NELL1: variants seen among roughly 807,000 people sequenced by gnomAD.
NELL1 encodes protein kinase C-binding protein NELL1.
Under a neutral mutation model 107.4 loss-of-function variants are expected in NELL1, and 76 were observed. That is an observed-to-expected ratio of 0.71 (90% confidence interval 0.59 to 0.86). NELL1 has a LOEUF of 0.86. Among genes scored for constraint, NELL1 ranks in the 40% least tolerant of loss-of-function variants. The pLI is 0.00. For missense variants in NELL1, 1,024 were observed against 1,005.5 expected, an observed-to-expected ratio of 1.02 and a Z score of -0.25; for synonymous variants, 353 against 341.2, an observed-to-expected ratio of 1.03 and a Z score of -0.38.
chr11:20,693,246 C>T (rs1244708630), intron 2 of NELL1, among the ~76,000 whole-genome samples: 1 of 152,074 alleles, frequency 6.6e-6, no homozygotes, highest in Non-Finnish European at 1.5e-5. Context: ...ATCCAACTTG[C>T]CAGTCTGTGT....
chr11:20,812,879 G>A (rs1857530505), intron 3 of NELL1, among the ~76,000 whole-genome samples: 1 of 150,544 alleles, frequency 6.6e-6, no homozygotes, highest in African/African-American at 2.4e-5. Flanking sequence ...GAGGTGGCGG[G>A]CGCCTGTAGT....
intron 2 of NELL1, among the ~76,000 whole-genome samples, chr11:20,717,624 C>T (rs1470444261): frequency 2.0e-5 from 3 of 152,122 alleles, no homozygotes; most frequent in Non-Finnish European, 4.4e-5. Flanking sequence ...TTTTCTGTAT[C>T]TGGCTCTTAC....
chr11:21,337,796 CCTTCT>C (rs1850455747), intron 14 of NELL1, among the ~76,000 whole-genome samples: 1 of 122,198 alleles, frequency 8.2e-6, no homozygotes, highest in Non-Finnish European at 1.7e-5. Context: ...TTCTTTCTTT[CCTTCT>C]TTCTTTCTTG....
At chr11:20,785,196 A>G (rs1341440023) in intron 3 of NELL1, among the ~76,000 whole-genome samples, 2 of 152,192 alleles carry the variant, frequency 1.3e-5, no homozygotes, top group Non-Finnish European at 2.9e-5. Flanking sequence ...GGCTCTTTCT[A>G]TGCAGACTTT....
chr11:20,928,395 C>T lies in NELL1; in HGVS notation c.913C>T (p.Arg305Ter), dbSNP rs942786957. ...CTCKSGAVEC[R>*]RMSCPPLNCS... is the part of the protein sequence containing the mutation. ...TCCTCAGAGTGGTGCCGTGGAATGC[C>T]GAAGGATGTCCTGTCCCCCTCTCAA... The change falls in exon 9 of 20, where the codon CGA becomes TGA. Residue 305 changes from arginine (R) to a stop codon, truncating the protein, a stop_gained. Coordinates refer to ENST00000357134, the MANE Select transcript of NELL1 (RefSeq NM_006157.5). LOFTEE classifies it high-confidence loss of function. The T allele has an allele frequency of 5.6e-6, 9 of 1,613,908 alleles. No individual in the cohort carries two copies. Among genetic ancestry groups the T allele is most frequent in the Admixed American group, 1.7e-5 (1 of 60,014 alleles).
chr11:20,872,239 T>C (rs1351342466), intron 4 of NELL1, among the ~76,000 whole-genome samples: 1 of 147,058 alleles, frequency 6.8e-6, no homozygotes, highest in African/African-American at 2.5e-5. Context: ...AGTGGCACAA[T>C]CTGGGCTCAC....
In NELL1 at chr11:21,482,822, TCCC is replaced by T. The variant is rs898738106; in HGVS notation, c.1646-51548_1646-51546del. ...TTTTGTTTGTTTGTTTGTTTGTTTT[TCCC>T]CCCAAGGAACATGGTATTTGTAAAT... On this transcript the variant is annotated intron_variant, in intron 15 of 19. Transcript: ENST00000357134. Among the ~76,000 whole-genome samples the T allele has an allele frequency of 7.9e-5, 12 of 151,882 alleles. No individual in the cohort carries two copies. In the East Asian group the frequency reaches 1.6e-3, roughly 20 times the overall value.
rs190656911 is a variant in NELL1 at position 20,701,123 on chromosome 11, C to A, written c.184+23063C>A. On this transcript the variant is annotated intron_variant, in intron 2 of 19. Coordinates refer to ENST00000357134, the MANE Select transcript of NELL1 (RefSeq NM_006157.5). Reference sequence around the variant, plus strand: ...TGGTTGGACTAGTTTACAGCCCCACCAACAGTGTAAAAGTGTTCCTATTTC... The same window carrying A: ...TGGTTGGACTAGTTTACAGCCCCACAAACAGTGTAAAAGTGTTCCTATTTC... Among the ~76,000 whole-genome samples the A allele has an allele frequency of 8.3e-3, 1,263 of 152,270 alleles. 12 individuals carry two copies. Among genetic ancestry groups the A allele is most frequent in the African/African-American group, 0.029 (1,201 of 41,528 alleles).
chr11:20,952,159 A>C (rs1195908476), intron 11 of NELL1, among the ~76,000 whole-genome samples: 1 of 152,100 alleles, frequency 6.6e-6, no homozygotes, highest in Non-Finnish European at 1.5e-5. Context: ...CATACTCCTC[A>C]GGGTTTTATT....
In NELL1 at chr11:20,961,026, C is replaced by T. The variant is rs138057426; in HGVS notation, c.1300+466C>T. On this transcript the variant is annotated intron_variant, in intron 12 of 19. Coordinates refer to ENST00000357134, the MANE Select transcript of NELL1 (RefSeq NM_006157.5). ...TTTTATTCTTTTTAGTGGGTTTCTTCGTGACTGGTTCATGCATTGCCAATT... is the reference window on the plus strand; with the variant it reads ...TTTTATTCTTTTTAGTGGGTTTCTTTGTGACTGGTTCATGCATTGCCAATT... 3.2e-3 allele frequency among the ~76,000 whole-genome samples: 493 copies of T among 152,228 alleles called. 3 individuals carry two copies. The highest frequency in any genetic ancestry group is 0.017 in the Middle Eastern group (5 of 292).
At chr11:21,544,923 A>G (rs1051713227) in intron 16 of NELL1, among the ~76,000 whole-genome samples, 5 of 151,796 alleles carry the variant, frequency 3.3e-5, no homozygotes, top group Admixed American at 2.6e-4. Context: ...ATGATTGCAT[A>G]CACTACTTGC....
At chr11:20,687,558 G>A (rs971915099) in intron 2 of NELL1, among the ~76,000 whole-genome samples, 1 of 151,504 alleles carries the variant, frequency 6.6e-6, no homozygotes, top group African/African-American at 2.4e-5. Context: ...AGAATATGGA[G>A]TATGTTTTTT....
At chr11:21,510,324 G>A (rs548019788) in intron 15 of NELL1, among the ~76,000 whole-genome samples, 2 of 152,290 alleles carry the variant, frequency 1.3e-5, no homozygotes, top group African/African-American at 2.4e-5. Context: ...GAATCCAAAT[G>A]CAATTTAGAA....
intron 15 of NELL1, among the ~76,000 whole-genome samples, chr11:21,464,707 G>A (rs2133877053): frequency 6.6e-6 from 1 of 152,218 alleles, no homozygotes; most frequent in Non-Finnish European, 1.5e-5. Context: ...AGCTAGTTGT[G>A]TCCCTTTAAC....
intron 13 of NELL1, among the ~76,000 whole-genome samples, chr11:21,197,397 C>T (rs564217765): frequency 1.8e-4 from 23 of 129,756 alleles, no homozygotes; most frequent in Non-Finnish European, 3.5e-4. Flanking sequence ...CCTGTAGATT[C>T]TCCAGAAAGA....
intron 15 of NELL1, among the ~76,000 whole-genome samples, chr11:21,460,183 A>G (rs575513272): frequency 6.6e-6 from 1 of 151,740 alleles, no homozygotes; most frequent in African/African-American, 2.4e-5. Flanking sequence ...ACAAAAGAAC[A>G]TGATGGGAAA....
chr11:20,715,764 T>A (rs899200013), intron 2 of NELL1, among the ~76,000 whole-genome samples: 1 of 152,186 alleles, frequency 6.6e-6, no homozygotes, highest in Non-Finnish European at 1.5e-5. Context: ...TAGAGTTGAG[T>A]ATCTGGTAGT....
At chr11:21,256,070 G>C (rs1298719896) in intron 14 of NELL1, among the ~76,000 whole-genome samples, 1 of 151,860 alleles carries the variant, frequency 6.6e-6, no homozygotes, top group African/African-American at 2.4e-5. Flanking sequence ...ATTCTCTTAA[G>C]AACAGACCTA....
intron 3 of NELL1, among the ~76,000 whole-genome samples, chr11:20,802,654 A>T (rs1439040482): frequency 2.0e-5 from 3 of 152,174 alleles, no homozygotes; most frequent in African/African-American, 7.2e-5. Context: ...CAGATACTGG[A>T]GCAAAAGCTT....
Sources: gnomAD v4.1 joint callset for allele counts (sites outside exome capture counted in the v4.1 genomes callset) on GRCh38, gnomAD v4.1.1 for gene constraint, MANE v1.5 for transcripts, NCBI Gene and HGNC (gene_info 2026-07-23, HGNC 2026-07-21) for gene names.